Variants in RIPK3 observed in about 807,000 individuals in gnomAD.
RIPK3 encodes receptor-interacting serine/threonine-protein kinase 3.
In RIPK3, 51 loss-of-function variants were observed where a neutral mutation model predicts 51.6. The observed-to-expected ratio is 0.99, with a 90% CI of 0.79 to 1.25. The LOEUF is 1.25. Ranked by LOEUF, RIPK3 falls within the 50% of genes most tolerant of loss-of-function variation. The pLI is 0.00. For missense variants in RIPK3, 654 were observed against 650.4 expected (o/e 1.01, Z -0.06); for synonymous variants, 246 against 257.7 (o/e 0.95, Z 0.44).
Position 24,337,291 on chromosome 14 carries a change from G to T in RIPK3, c.1070C>A (p.Pro357His). 1 of 1,614,090 alleles carries T rather than the reference G, an allele frequency of 6.2e-7. No homozygotes were observed. The highest frequency in any genetic ancestry group is 8.5e-7 in the Non-Finnish European group (1 of 1,180,042). Residue 357 changes from proline to histidine, a missense_variant, in exon 8 of 10, where the codon CCT (proline) becomes CAT (histidine). Coordinates refer to ENST00000216274, the MANE Select transcript of RIPK3 (RefSeq NM_006871.4). ...EWLNKLNLEE[P>H]PSSVPKKCPS... ...GCATTTTTTAGGAACAGAGCTGGGAGGCTCCTCTAGATTCAGTTTGTTTAG... is the reference window on the plus strand; with the variant it reads ...GCATTTTTTAGGAACAGAGCTGGGATGCTCCTCTAGATTCAGTTTGTTTAG...
rs1345680333 is a variant in RIPK3 at position 24,336,710 on chromosome 14, T to C, written c.1336+175A>G. 289 of 738,592 alleles carry C rather than the reference T, an allele frequency of 3.9e-4. 1 individual carries two copies. The highest frequency in any genetic ancestry group is 8.9e-5 in the Non-Finnish European group (38 of 424,610). 45.8% of individuals were successfully genotyped at this position (738,592 alleles called of 1,614,324 possible). On this transcript the variant is annotated intron_variant, in intron 9 of 9. Transcript: ENST00000216274. ...CAAATCCAAGCTTTGTTGTGTGACC[T>C]CAGAGGGCTCCTTTCTCAGGGGGTG...
intron 9 of RIPK3, 193 bp from the exon 10 acceptor site, chr14:24,336,588 C>T: frequency 2.4e-6 from 2 of 834,958 alleles, no homozygotes; most frequent in Non-Finnish European, 3.6e-6. Flanking sequence ...ATTTGAGACC[C>T]TGATCTTTTT....
At position 24,339,884 on chromosome 14, in the gene RIPK3, C is replaced by G. The variant is rs1038270533; in HGVS notation, c.-58G>C. 1 of 1,525,078 alleles carries G rather than the reference C, an allele frequency of 6.6e-7. No homozygotes were observed. Among genetic ancestry groups the G allele is most frequent in the Non-Finnish European group, 8.8e-7 (1 of 1,136,914 alleles). The allele number at this position is 1,525,078 out of a possible 1,614,324, so 94.5% of individuals were successfully genotyped here. A position where few individuals can be genotyped will look rare whatever the true frequency, so the allele number is the denominator to read the frequency against. On this transcript the variant is annotated 5_prime_UTR_variant, in exon 1 of 10. Coordinates refer to ENST00000216274, the MANE Select transcript of RIPK3 (RefSeq NM_006871.4). The surrounding 1 kb of genome is among the most constrained non-coding windows in gnomAD (Gnocchi z 4.0). ...TTGCGAGCCGTAGGAGATGGAGTGA[C>G]TTCTGGGGCTTGGTCCTTTCGCAGA...
chr14:24,337,422 C>T lies in RIPK3; in HGVS notation c.939G>A (p.Arg313=). 3 of 1,613,966 alleles carry T rather than the reference C, an allele frequency of 1.9e-6. No homozygotes were observed. Among genetic ancestry groups the T allele is most frequent in the Non-Finnish European group, 2.5e-6 (3 of 1,179,902 alleles). ...GGCCTGACTCTGGGATAGAAAATCT[C>T]CTATTGCTGCTCCTGAGCTGAGACA... The part of the protein sequence containing the change: ...DFLSQLRSSN[R]RFSIPESGQG... Residue 313 remains arginine, a synonymous_variant, in exon 8 of 10, where the codon AGG becomes AGA. Transcript: ENST00000216274.
rs1465184165 is a variant in RIPK3, at chr14:24,339,457, G to A, written c.161C>T (p.Ser54Leu). The A allele has an allele frequency of 9.3e-6, 15 of 1,614,066 alleles. No individual in the cohort carries two copies. Among genetic ancestry groups the A allele is most frequent in the East Asian group, 2.2e-5 (1 of 44,896 alleles). The part of the protein sequence containing the change: ...GYDVAVKIVN[S>L]KAISREVKAM... ...GCTGGGGTCAACCGGGGTCACTCAC[G>A]AGTTTACGATCTTGACCGCCACATC... The change falls in exon 2 of 10, where the codon TCG becomes TTG. Residue 54 changes from serine (S) to leucine (L), a missense_variant and splice_region_variant. By Grantham distance (145) the Ser-to-Leu change is moderately radical. Transcript: ENST00000216274. This position sits in a 1 kb window ranked among gnomAD's most constrained non-coding sequence, Gnocchi z 4.0.
In RIPK3 at chr14:24,338,576, G is replaced by C. The variant is rs768788636; in HGVS notation, c.472-9C>G. 1.9e-6 allele frequency: 3 copies of C among 1,591,486 alleles called. No individual in the cohort carries two copies. The African/African-American group carries it at 4.0e-5, about 21-fold the overall frequency. ...AGGCCAAAATCTGCCAGCTGCAAAGGAAGGAAAGAAGTGGGAGGTAGGGAA... is the reference window on the plus strand; with the variant it reads ...AGGCCAAAATCTGCCAGCTGCAAAGCAAGGAAAGAAGTGGGAGGTAGGGAA... On this transcript the variant is annotated splice_polypyrimidine_tract_variant and intron_variant, in intron 3 of 9. Coordinates refer to ENST00000216274, the MANE Select transcript of RIPK3 (RefSeq NM_006871.4).
In RIPK3 at chr14:24,336,152, T is replaced by C; in HGVS notation, c.*23A>G. 9 of 1,604,568 alleles carry C rather than the reference T, an allele frequency of 5.6e-6. No individual in the cohort carries two copies. The highest frequency in any genetic ancestry group is 6.8e-6 in the Non-Finnish European group (8 of 1,174,352). On this transcript the variant is annotated 3_prime_UTR_variant, in exon 10 of 10. Coordinates refer to ENST00000216274, the MANE Select transcript of RIPK3 (RefSeq NM_006871.4). The stretch of plus-strand genomic sequence containing the variant: ...GCACTCTTCCTTAACTCGTAACTCT[T>C]GGAGGCAAGCTTGGAAGGTGCTTTA...
At position 24,336,965 on chromosome 14, in the gene RIPK3, T is replaced by C; in HGVS notation, c.1276-20A>G. ...AGCCCCCTGCAAACAGCACAGAGCA[T>C]CCAGTTCTGCCCTGGAGCCTGGCAC... On this transcript the variant is annotated intron_variant, in intron 8 of 9. Transcript: ENST00000216274. 1 of 1,612,786 alleles carries C rather than the reference T, an allele frequency of 6.2e-7. No homozygotes were observed.
rs1197914735 is a variant in RIPK3, at chr14:24,339,087, G to C, written c.399C>G (p.Asp133Glu). The C allele has an allele frequency of 1.2e-6, 2 of 1,614,196 alleles. No individual in the cohort carries two copies. Among genetic ancestry groups the C allele is most frequent in the Non-Finnish European group, 1.7e-6 (2 of 1,180,026 alleles). Residue 133 changes from aspartate (D) to glutamate (E), a missense_variant, in exon 3 of 10, where the codon GAC becomes GAG. Transcript: ENST00000216274. This position sits in a 1 kb window ranked among gnomAD's most constrained non-coding sequence, Gnocchi z 4.0. The part of the protein sequence containing the change: ...EVVLGMFYLH[D>E]QNPVLLHRDL... Reference sequence around the variant, plus strand: ...CCCGGTGCAGGAGCACCGGGTTCTGGTCGTGCAGGTAAAACATCCCAAGCA... The same window carrying C: ...CCCGGTGCAGGAGCACCGGGTTCTGCTCGTGCAGGTAAAACATCCCAAGCA...
In RIPK3 at chr14:24,337,999, T is replaced by G; in HGVS notation, c.706A>C (p.Arg236=). The G allele has an allele frequency of 1.2e-6, 2 of 1,614,192 alleles. No homozygotes were observed. Among genetic ancestry groups the G allele is most frequent in the Non-Finnish European group, 1.7e-6 (2 of 1,180,046 alleles). Residue 236 remains arginine (R), a synonymous_variant, in exon 6 of 10, where the codon AGG becomes CGG. Transcript: ENST00000216274. ...PSLVYEAVCN[R]QNRPSLAELP... ...TCAGCCAATGAAGGCCGGTTCTGCCTGTTGCACACTGCTTCGTACACGAGT... is the reference window on the plus strand; with the variant it reads ...TCAGCCAATGAAGGCCGGTTCTGCCGGTTGCACACTGCTTCGTACACGAGT...
At chr14:24,336,421 A>T in intron 9 of RIPK3, 26 bp from the exon 10 acceptor site, 1 of 1,604,856 alleles carries the variant, frequency 6.2e-7, no homozygotes, top group Non-Finnish European at 8.5e-7. Context: ...TGATGGTGGC[A>T]GGAGGGTTTA....
rs79855438 is a variant in RIPK3, at chr14:24,338,459, C to G, written c.580G>C (p.Val194Leu). The G allele has an allele frequency of 9.9e-6, 16 of 1,613,744 alleles. No homozygotes were observed. In the East Asian group the frequency reaches 3.6e-4, roughly 36 times the overall value. Reference sequence around the variant, plus strand: ...CTGGCTGTGGAGGCCTTCCGGTTTACGTTAACAAACAGTTCTGGGGCCAAG... The same window carrying G: ...CTGGCTGTGGAGGCCTTCCGGTTTAGGTTAACAAACAGTTCTGGGGCCAAG... Reference protein sequence around the residue: ...GYLAPELFVNVNRKASTASDV... With the variant: ...GYLAPELFVNLNRKASTASDV... The change falls in exon 4 of 10, where the codon GTA (valine) becomes CTA (leucine). Residue 194 changes from valine (V) to leucine (L), a missense_variant. Coordinates refer to ENST00000216274, the MANE Select transcript of RIPK3 (RefSeq NM_006871.4).
In RIPK3 at chr14:24,336,284, C is replaced by T; in HGVS notation, c.1448G>A (p.Gly483Asp). ...ALPTWGLAPS[G>D]KGRGLQHPPP... ...GGGGTGCTGCAAGCCCCTCCCCTTG[C>T]CCGAAGGTGCCAAGCCCCATGTGGG... The change falls in exon 10 of 10, where the codon GGC (glycine) becomes GAC (aspartate). Residue 483 changes from glycine (G) to aspartate (D), a missense_variant. By Grantham distance (94) the Gly-to-Asp change is moderately conservative. Transcript: ENST00000216274. 1 of 1,614,046 alleles carries T rather than the reference C, an allele frequency of 6.2e-7. No individual in the cohort carries two copies. The highest frequency in any genetic ancestry group is 1.1e-5 in the South Asian group (1 of 91,084).
chr14:24,337,491 G>A, intron 7 of RIPK3, 31 bp from the exon 8 acceptor site: 2 of 1,610,996 alleles, frequency 1.2e-6, no homozygotes, highest in Non-Finnish European at 1.7e-6. Context: ...TGCTGGGTAT[G>A]ACTTGGATGA....
intron 7 of RIPK3, 42 bp from the exon 8 acceptor site, chr14:24,337,502 G>A: frequency 1.2e-6 from 2 of 1,610,870 alleles, no homozygotes; most frequent in Non-Finnish European, 1.7e-6. Context: ...ACTTGGATGA[G>A]CCAGAGTAAA....
In RIPK3 at chr14:24,337,989, C is replaced by A. The variant is rs114413869; in HGVS notation, c.716G>T (p.Arg239Leu). The change falls in exon 6 of 10, where the codon CGG becomes CTG. Residue 239 changes from arginine to leucine, a missense_variant. Physicochemically the swap from Arg to Leu is moderately radical, Grantham distance 102. Coordinates refer to ENST00000216274, the MANE Select transcript of RIPK3 (RefSeq NM_006871.4). ...VYEAVCNRQN[R>L]PSLAELPQAG... is the part of the protein sequence containing the mutation. ...TTGGGGCAGCTCAGCCAATGAAGGC[C>A]GGTTCTGCCTGTTGCACACTGCTTC... 3.1e-6 allele frequency: 5 copies of A among 1,614,174 alleles called. No individual in the cohort carries two copies. The highest frequency in any genetic ancestry group is 1.7e-5 in the Admixed American group (1 of 60,024).
chr14:24,338,379 A>C (rs1260103182), intron 4 of RIPK3, 43 bp downstream of exon 4: 2 of 1,583,926 alleles, frequency 1.3e-6, no homozygotes, highest in Admixed American at 3.5e-5. Context: ...GGGCCCAGAG[A>C]AGTGTAGGAA....
chr14:24,337,023 G>A (rs724165), intron 8 of RIPK3, 63 bp downstream of exon 8: 855,706 of 1,603,026 alleles, frequency 0.53, 240,554 homozygotes, highest in Non-Finnish European at 0.59. Context: ...CCAAGTTTTC[G>A]CTGGCAAGGG....
chr14:24,339,742 G>T lies in RIPK3; in HGVS notation c.20+65C>A. ...CCGGACTCAAAGACGTTCTCTGAGC[G>T]AGTCTGTGGGGCTCTCTGGGTGTGA... On this transcript the variant is annotated intron_variant, in intron 1 of 9. Transcript: ENST00000216274. This position sits in a 1 kb window ranked among gnomAD's most constrained non-coding sequence, Gnocchi z 4.0. 6 of 1,565,246 alleles carry T rather than the reference G, an allele frequency of 3.8e-6. No individual in the cohort carries two copies. The highest frequency in any genetic ancestry group is 5.2e-6 in the Non-Finnish European group (6 of 1,154,350).
Sources: allele counts gnomAD v4.1 joint callset, GRCh38; gene constraint gnomAD v4.1.1; non-coding constraint Gnocchi (gnomAD v3.1); transcripts MANE v1.5; gene names NCBI Gene and HGNC (gene_info 2026-07-23, HGNC 2026-07-21).